MAP2: variants seen among roughly 807,000 people sequenced by gnomAD.
MAP2 encodes microtubule associated protein 2, also known as microtubule-associated protein 2.
MAP2 carries 14 observed loss-of-function variants against 137.6 expected under a neutral mutation model. The observed-to-expected ratio is 0.10, with a 90% confidence interval of 0.07 to 0.16. The LOEUF is 0.16. Among genes scored for constraint, MAP2 ranks in the 10% least tolerant of loss-of-function variants. MAP2 has a pLI of 1.00. For synonymous variants in MAP2, 786 were observed against 782.3 expected (o/e 1.00, Z -0.08); for missense variants, 2,088 against 2,191.5 (o/e 0.95, Z 0.94).
chr2:209,616,763 T>G (rs1415442587), intron 3 of MAP2, among the ~76,000 whole-genome samples: 1 of 152,100 alleles, frequency 6.6e-6, no homozygotes, highest in East Asian at 1.9e-4. Flanking sequence ...ATACACAATA[T>G]GCATTGTTAG....
At chr2:209,649,387 A>G (rs2094629495) in intron 4 of MAP2, among the ~76,000 whole-genome samples, 1 of 152,198 alleles carries the variant, frequency 6.6e-6, no homozygotes, top group Non-Finnish European at 1.5e-5. Context: ...TACATCAGGA[A>G]GAAGAAATTA....
intron 2 of MAP2, among the ~76,000 whole-genome samples, chr2:209,556,286 G>A (rs1393720690): frequency 1.3e-5 from 2 of 151,918 alleles, no homozygotes; most frequent in Non-Finnish European, 2.9e-5. Context: ...TCAAGCGATC[G>A]TCCTGCCTTG....
intron 5 of MAP2, among the ~76,000 whole-genome samples, chr2:209,666,752 G>A (rs1427927259): frequency 2.0e-5 from 3 of 151,162 alleles, no homozygotes; most frequent in African/African-American, 7.3e-5. Flanking sequence ...TTTTTTATGT[G>A]AAGAAAAAAA....
At chr2:209,521,688 A>T (rs2063310151) in intron 2 of MAP2, among the ~76,000 whole-genome samples, 1 of 152,066 alleles carries the variant, frequency 6.6e-6, no homozygotes, top group South Asian at 2.1e-4. Context: ...CTCAAAGATA[A>T]CATCAAAAGC....
chr2:209,718,049 GTCA>G (rs1434579975), intron 13 of MAP2, among the ~76,000 whole-genome samples: 2 of 152,128 alleles, frequency 1.3e-5, no homozygotes, highest in African/African-American at 2.4e-5. Context: ...TGATATCAAA[GTCA>G]TCATTATATC....
At chr2:209,434,937 A>T (rs1695518712) in intron 1 of MAP2, among the ~76,000 whole-genome samples, 2 of 143,686 alleles carry the variant, frequency 1.4e-5, no homozygotes, top group African/African-American at 5.2e-5. Context: ...TATATGTTAT[A>T]TATATGTGTT....
chr2:209,710,252 C>A lies in MAP2; in HGVS notation c.5071C>A (p.Gln1691Lys), dbSNP rs781736914. The change falls in exon 13 of 16, where the codon CAG becomes AAG. Residue 1691 changes from glutamine to lysine, a missense_variant and splice_region_variant. Physicochemically the swap from Gln to Lys is moderately conservative, Grantham distance 53 (BLOSUM62 1). Coordinates refer to ENST00000682079, the MANE Select transcript of MAP2 (RefSeq NM_001375505.1). ...CATCAAATACCAGCCTAAAGGGGGGCAGGTAAGAATTGCATGAACACATAT... is the reference window on the plus strand; with the variant it reads ...CATCAAATACCAGCCTAAAGGGGGGAAGGTAAGAATTGCATGAACACATAT... ...DNIKYQPKGG[Q>K]VQIVTKKIDL... The A allele has an allele frequency of 1.3e-6, 2 of 1,565,554 alleles. No homozygotes were observed. Among genetic ancestry groups the A allele is most frequent in the South Asian group, 1.2e-5 (1 of 86,324 alleles).
intron 7 of MAP2, among the ~76,000 whole-genome samples, chr2:209,685,338 C>T (rs987290497): frequency 8.5e-5 from 13 of 152,108 alleles, no homozygotes; most frequent in African/African-American, 2.9e-4. Flanking sequence ...ATTATTATGT[C>T]TTCCATCTGC....
intron 4 of MAP2, among the ~76,000 whole-genome samples, chr2:209,638,481 A>G (rs1401753432): frequency 1.3e-5 from 2 of 152,160 alleles, no homozygotes; most frequent in African/African-American, 4.8e-5. Context: ...ACCCCTAGAA[A>G]AAAAGAAAGA....
intron 4 of MAP2, among the ~76,000 whole-genome samples, chr2:209,640,290 A>G (rs2093915642): frequency 1.3e-5 from 2 of 152,080 alleles, no homozygotes; most frequent in South Asian, 4.1e-4. Context: ...ATTTTTTTCT[A>G]GTATTCCCAG....
chr2:209,571,700 T>A (rs908364598), intron 2 of MAP2, among the ~76,000 whole-genome samples: 1 of 152,002 alleles, frequency 6.6e-6, no homozygotes. Flanking sequence ...TAAAAAGAAG[T>A]TTGGTTTATT....
rs540783476 is a variant in MAP2 at position 209,594,543 on chromosome 2, G to A, written c.-107+14443G>A. ...GTTTTTTCTCTTTCTGTCTCAGCCC[G>A]TCTGCATTTGATGTCTAGAATATCT... On this transcript the variant is annotated intron_variant, in intron 3 of 15. Coordinates refer to ENST00000682079, the MANE Select transcript of MAP2 (RefSeq NM_001375505.1). 2.6e-3 allele frequency among the ~76,000 whole-genome samples: 389 copies of A among 152,106 alleles called. 1 individual carries two copies. The highest frequency in any genetic ancestry group is 8.7e-3 in the African/African-American group (362 of 41,506).
chr2:209,433,173 A>G (rs1392534879), intron 1 of MAP2, among the ~76,000 whole-genome samples: 1 of 152,118 alleles, frequency 6.6e-6, no homozygotes, highest in Non-Finnish European at 1.5e-5. Context: ...GCAGCAGGAG[A>G]CAGACATTAA....
At chr2:209,485,418 A>T (rs1189883477) in intron 1 of MAP2, among the ~76,000 whole-genome samples, 4 of 152,184 alleles carry the variant, frequency 2.6e-5, no homozygotes, top group Admixed American at 2.6e-4. Context: ...GAAATAAAAT[A>T]CATGTTATTA....
At chr2:209,648,838 T>C (rs543833130) in intron 4 of MAP2, among the ~76,000 whole-genome samples, 78 of 151,824 alleles carry the variant, frequency 5.1e-4, no homozygotes, top group African/African-American at 1.7e-3. Flanking sequence ...GCATCTCAGC[T>C]TGCTCTATCA....
intron 3 of MAP2, among the ~76,000 whole-genome samples, chr2:209,588,798 C>G (rs1439458011): frequency 6.6e-6 from 1 of 151,518 alleles, no homozygotes; most frequent in African/African-American, 2.4e-5. Context: ...TAAAAAAAAA[C>G]CTAAGTAGAC....
intron 4 of MAP2, among the ~76,000 whole-genome samples, chr2:209,649,198 T>A (rs931566019): frequency 2.1e-5 from 3 of 143,394 alleles, no homozygotes; most frequent in African/African-American, 8.6e-5. Flanking sequence ...AATTTTTTTG[T>A]AGAGATGGGG....
At chr2:209,688,689 T>C (rs1454738735) in intron 7 of MAP2, among the ~76,000 whole-genome samples, 1 of 152,056 alleles carries the variant, frequency 6.6e-6, no homozygotes, top group Non-Finnish European at 1.5e-5. Context: ...AATAAGTAGG[T>C]GATGGGCTGC....
At chr2:209,665,673 A>G (rs1196618731) in intron 5 of MAP2, among the ~76,000 whole-genome samples, 2 of 152,158 alleles carry the variant, frequency 1.3e-5, no homozygotes, top group Non-Finnish European at 1.5e-5. Flanking sequence ...TCTCTATTTC[A>G]TCTTTGAGTG....
Sources: allele counts gnomAD v4.1 joint callset (sites outside exome capture counted in the v4.1 genomes callset), GRCh38; gene constraint gnomAD v4.1.1; transcripts MANE v1.5; gene names NCBI Gene and HGNC (gene_info 2026-07-23, HGNC 2026-07-21).